Variants in PITRM1 observed in about 807,000 individuals in gnomAD.
The protein encoded by PITRM1 is pitrilysin metallopeptidase 1, also known as presequence protease, mitochondrial.
PITRM1 carries 100 observed loss-of-function variants against 129.9 expected under a neutral mutation model. The observed-to-expected ratio is 0.77, with a 90% confidence interval of 0.65 to 0.91. The LOEUF (loss-of-function observed/expected upper bound fraction) is 0.91, where lower values mean the gene tolerates loss of function less well. PITRM1 is among the 40% of genes least tolerant of loss of function. The pLI, the probability that PITRM1 is intolerant of heterozygous loss-of-function variation, is 0.00. For missense variants in PITRM1, 1,471 were observed against 1,318.3 expected, an observed-to-expected ratio of 1.12 and a Z score of -1.79; for synonymous variants, 591 against 508.8, an observed-to-expected ratio of 1.16 and a Z score of -2.17.
chr10:3,150,794 CG>C (rs1841444473), intron 15 of PITRM1, among the ~76,000 whole-genome samples: 1 of 152,148 alleles, frequency 6.6e-6, no homozygotes, highest in African/African-American at 2.4e-5. Flanking sequence ...TGCCAGGACA[CG>C]GCAGGGGGAT....
At chr10:3,145,318 T>C in intron 21 of PITRM1, 1 of 400,230 alleles carries the variant, frequency 2.5e-6, no homozygotes, top group South Asian at 4.7e-5. Flanking sequence ...GCCAGCGTAT[T>C]CCAGCCAAAG....
chr10:3,158,279 T>G (rs1187382367), intron 10 of PITRM1, 126 bp from the exon 11 acceptor site: 2 of 645,972 alleles, frequency 3.1e-6, no homozygotes, highest in Non-Finnish European at 5.5e-6. Flanking sequence ...AAAAGCTCAT[T>G]AAAGCAGTGT....
At position 3,155,597 on chromosome 10, in the gene PITRM1, C is replaced by T. The variant is rs373717428; in HGVS notation, c.1615G>A (p.Glu539Lys). ...LSPGDRQQIYEKGLELRSQQS... is the reference protein window; with the variant it reads ...LSPGDRQQIYKKGLELRSQQS... ...TCGGAAGGAAGCCTCTGACCTTTCT[C>T]GTAGATCTGCTGCCTGTCTCCGGGG... Residue 539 changes from glutamate (E) to lysine (K), a missense_variant, in exon 14 of 27, where the codon GAG (glutamate) becomes AAG (lysine). Coordinates refer to ENST00000224949, the MANE Select transcript of PITRM1 (RefSeq NM_014889.4). 20 of 1,613,884 alleles carry T rather than the reference C, an allele frequency of 1.2e-5. No homozygotes were observed. The highest frequency in any genetic ancestry group is 6.7e-5 in the East Asian group (3 of 44,848).
intron 16 of PITRM1, 108 bp downstream of exon 16, chr10:3,149,513 T>C: frequency 8.9e-7 from 1 of 1,129,400 alleles, no homozygotes; most frequent in Non-Finnish European, 1.2e-6. Flanking sequence ...CACACTAACA[T>C]TGTAAGTTGT....
At chr10:3,172,578 C>G in intron 1 of PITRM1, 139 bp downstream of exon 1, 1 of 756,564 alleles carries the variant, frequency 1.3e-6, no homozygotes, top group Non-Finnish European at 2.0e-6. Context: ...CCAGGAAGGG[C>G]TCGGGGTGCG....
At position 3,146,029 on chromosome 10, in the gene PITRM1, G is replaced by A. The variant is rs112837948; in HGVS notation, c.2337-313C>T. ...ATTAAGATCTGCTAACCGTGCCTTC[G>A]GAATTACACTATCAAAACACTGACA... On this transcript the variant is annotated intron_variant, in intron 20 of 26. Coordinates refer to ENST00000224949, the MANE Select transcript of PITRM1 (RefSeq NM_014889.4). The A allele has an allele frequency of 2.8e-3, 819 of 287,372 alleles. 7 individuals carry two copies. Among genetic ancestry groups the A allele is most frequent in the African/African-American group, 0.017 (747 of 45,044 alleles). The allele number at this position is 287,372 out of a possible 1,614,324, so 17.8% of individuals were successfully genotyped here.
intron 7 of PITRM1, chr10:3,163,110 C>T (rs1183431452): frequency 6.6e-6 from 1 of 152,080 alleles, no homozygotes; most frequent in Non-Finnish European, 1.5e-5. Context: ...TGTTTAGGGG[C>T]TCATTATTCT....
rs755188844 is a variant in PITRM1 at position 3,158,023 on chromosome 10, A to T, written c.1250+17T>A. On this transcript the variant is annotated intron_variant, in intron 11 of 26. Coordinates refer to ENST00000224949, the MANE Select transcript of PITRM1 (RefSeq NM_014889.4). ...ATGAGGAACGAAAGCAGATTGTTAC[A>T]AACAAGCTACACTCACTCAACTACT... The T allele has an allele frequency of 8.2e-6, 12 of 1,466,666 alleles. No homozygotes were observed. The highest frequency in any genetic ancestry group is 1.1e-5 in the Non-Finnish European group (11 of 1,044,558). The allele number at this position is 1,466,666 out of a possible 1,614,324, so 90.9% of individuals were successfully genotyped here. A position where few individuals can be genotyped will look rare whatever the true frequency, so the allele number is the denominator to read the frequency against.
Position 3,140,734 on chromosome 10 carries a change from T to C in PITRM1, c.2724A>G (p.Gly908=). The C allele has an allele frequency of 6.3e-7, 1 of 1,597,970 alleles. No individual in the cohort carries two copies. Among genetic ancestry groups the C allele is most frequent in the Non-Finnish European group, 8.5e-7 (1 of 1,171,676 alleles). The change falls in exon 24 of 27, where the codon GGA becomes GGG. Residue 908 remains glycine (G), a synonymous_variant. Coordinates refer to ENST00000224949, the MANE Select transcript of PITRM1 (RefSeq NM_014889.4). ...TCCCATTGTGGCTGAGTTTTGCGCC[T>C]CCACCATAAGCACCGCCTTTTTCTC... ...EIREKGGAYG[G]GAKLSHNGIF...
intron 24 of PITRM1, among the ~76,000 whole-genome samples, chr10:3,139,487 TC>T (rs568816882): frequency 2.7e-4 from 41 of 151,912 alleles, no homozygotes; most frequent in African/African-American, 9.7e-4. Context: ...AATCCAGACT[TC>T]CCTTCGTGTA....
intron 15 of PITRM1, 138 bp from the exon 16 acceptor site, chr10:3,149,891 C>A: frequency 1.1e-6 from 1 of 906,908 alleles, no homozygotes; most frequent in Non-Finnish European, 1.7e-6. Context: ...ATAAATTTCC[C>A]AATCATATTT....
At chr10:3,158,891 A>T in intron 10 of PITRM1, 23 bp downstream of exon 10, 1 of 1,611,252 alleles carries the variant, frequency 6.2e-7, no homozygotes, top group South Asian at 1.1e-5. Flanking sequence ...AGAACTACTG[A>T]TCTAATCTAA....
intron 1 of PITRM1, chr10:3,172,255 G>A (rs1430361066): frequency 4.3e-6 from 2 of 460,210 alleles, no homozygotes; most frequent in Non-Finnish European, 8.7e-6. Context: ...CATAAATTGA[G>A]TCATTAAAAA....
chr10:3,142,596 C>T lies in PITRM1; in HGVS notation c.2645+793G>A, dbSNP rs902546220. ...GTTTCCCCAGATGGGATGAACACAG[C>T]CAAGGGGCAGCCAGAGTTCGGAAGA... On this transcript the variant is annotated intron_variant, in intron 23 of 26. Transcript: ENST00000224949. 2.6e-5 allele frequency among the ~76,000 whole-genome samples: 4 copies of T among 152,368 alleles called. No individual in the cohort carries two copies. The South Asian group carries it at 8.3e-4, about 32-fold the overall frequency.
At position 3,158,983 on chromosome 10, in the gene PITRM1, C is replaced by T; in HGVS notation, c.1067G>A (p.Gly356Glu). Residue 356 changes from glycine to glutamate, a missense_variant, in exon 10 of 27, where the codon GGG (glycine) becomes GAG (glutamate). Transcript: ENST00000224949. ...LSLLSSLLTS[G>E]PNSPFYKALI... The stretch of plus-strand genomic sequence containing the variant: ...GGCTTTGTAAAAGGGAGAATTGGGC[C>T]CAGAAGTCAAGAGTGAAGACAGAAG... 2 of 1,612,894 alleles carry T rather than the reference C, an allele frequency of 1.2e-6. No homozygotes were observed. Among genetic ancestry groups the T allele is most frequent in the Non-Finnish European group, 1.7e-6 (2 of 1,179,476 alleles).
chr10:3,151,318 C>T lies in PITRM1; in HGVS notation c.1667G>A (p.Cys556Tyr), dbSNP rs751677509. ...SQQSKPQDAS[C>Y]LPALKVSDIE... Reference sequence around the variant, plus strand: ...ATCGGAAACTTTCAACGCTGGCAGACAAGAGGCATCTTGAGGTTTGCTTTG... The same window carrying T: ...ATCGGAAACTTTCAACGCTGGCAGATAAGAGGCATCTTGAGGTTTGCTTTG... Residue 556 changes from cysteine to tyrosine, a missense_variant, in exon 15 of 27, where the codon TGT (cysteine) becomes TAT (tyrosine). Physicochemically the swap from Cys to Tyr is radical, Grantham distance 194. Transcript: ENST00000224949. 1.2e-6 allele frequency: 2 copies of T among 1,611,260 alleles called. No homozygotes were observed. Among genetic ancestry groups the T allele is most frequent in the East Asian group, 2.2e-5 (1 of 44,876 alleles).
chr10:3,154,906 T>TC (rs1841847645), intron 14 of PITRM1, among the ~76,000 whole-genome samples: 1 of 152,156 alleles, frequency 6.6e-6, no homozygotes, highest in African/African-American at 2.4e-5. Flanking sequence ...CTGGCCTAGG[T>TC]CGTCATGTCA....
At chr10:3,139,455 C>G (rs764556697) in intron 24 of PITRM1, among the ~76,000 whole-genome samples, 2 of 152,178 alleles carry the variant, frequency 1.3e-5, no homozygotes, top group Non-Finnish European at 2.9e-5. Flanking sequence ...CAGGGTAGTA[C>G]AGGAATCAGC....
chr10:3,152,576 A>G (rs1226511284), intron 14 of PITRM1, among the ~76,000 whole-genome samples: 2 of 152,218 alleles, frequency 1.3e-5, no homozygotes, highest in Non-Finnish European at 2.9e-5. Context: ...CGCAACTGCC[A>G]TCAATAACCA....
Sources: gnomAD v4.1 joint callset for allele counts (sites outside exome capture counted in the v4.1 genomes callset) on GRCh38, gnomAD v4.1.1 for gene constraint, MANE v1.5 for transcripts, NCBI Gene and HGNC (gene_info 2026-07-23, HGNC 2026-07-21) for gene names.